NFKBIZ: variants seen among roughly 807,000 people sequenced by gnomAD.
The protein encoded by NFKBIZ is NFKB inhibitor zeta.
NFKBIZ carries 19 observed loss-of-function variants against 76.8 expected under a neutral mutation model. The observed-to-expected ratio is 0.25, with a 90% confidence interval of 0.17 to 0.36. The LOEUF (loss-of-function observed/expected upper bound fraction) is 0.36. Among genes scored for constraint, NFKBIZ ranks in the 10% least tolerant of loss-of-function variants. The pLI, the probability that NFKBIZ is intolerant of heterozygous loss-of-function variation, is 1.00. For missense variants in NFKBIZ, 829 were observed against 910.9 expected, an observed-to-expected ratio of 0.91 and a Z score of 1.16; for synonymous variants, 368 against 354.8, an observed-to-expected ratio of 1.04 and a Z score of -0.42.
rs1376074977 is a variant in NFKBIZ at position 101,860,649 on chromosome 3, T to C, written c.*1278T>C. 9.2e-5 allele frequency: 14 copies of C among 152,176 alleles called. No homozygotes were observed. Among genetic ancestry groups the C allele is most frequent in the Non-Finnish European group, 1.5e-5 (1 of 68,032 alleles). 9.4% of individuals were successfully genotyped at this position (152,176 alleles called of 1,614,324 possible). ...ATGATGATAATGTGCCATGATGTTT[T>C]ATATATATCATTCAGAAAAAGTTTT... On this transcript the variant is annotated 3_prime_UTR_variant, in exon 12 of 12. Transcript: ENST00000326172.
At chr3:101,843,020 TAAAAAAAAAA>T (rs35824432) in intron 2 of NFKBIZ, among the ~76,000 whole-genome samples, 4 of 66,464 alleles carry the variant, frequency 6.0e-5, no homozygotes, top group African/African-American at 1.1e-4. Context: ...CTGTATTTTC[TAAAAAAAAAA>T]AAAAAAAAAA....
At chr3:101,830,621 C>T (rs994746613) in intron 2 of NFKBIZ, among the ~76,000 whole-genome samples, 1 of 152,212 alleles carries the variant, frequency 6.6e-6, no homozygotes, top group African/African-American at 2.4e-5. Flanking sequence ...TAATGGCCTC[C>T]AGCTGCATCC....
At chr3:101,844,633 C>T (rs1029213153), upstream of NFKBIZ, among the ~76,000 whole-genome samples, 1 of 152,140 alleles carries the variant, frequency 6.6e-6, no homozygotes, top group Non-Finnish European at 1.5e-5. Flanking sequence ...TGAATATAAC[C>T]GAAATAGCAA....
intron 6 of NFKBIZ, 110 bp from the exon 7 acceptor site, chr3:101,854,952 G>T (rs776628903): frequency 4.9e-6 from 6 of 1,216,268 alleles, no homozygotes; most frequent in Non-Finnish European, 6.8e-6. Context: ...TTATTCAAAG[G>T]ATTTATTTTC....
rs768266036 is a variant in NFKBIZ at position 101,853,638 on chromosome 3, T to G, written c.1112T>G (p.Leu371Trp). The change falls in exon 5 of 12, where the codon TTG (leucine) becomes TGG (tryptophan). Residue 371 changes from leucine (L) to tryptophan (W), a missense_variant. Leu to Trp is a moderately conservative substitution (Grantham distance 61). Around this residue, in one of 4 missense-constraint regions of NFKBIZ, gnomAD observed 371 missense variants for 332.3 expected, o/e 1.12. Transcript: ENST00000326172. Reference sequence around the variant, plus strand: ...GTTCAGCAGCAAAATGATGCTCACTTGCACAGCTTCAGCATGATGCCCAGC... The same window carrying G: ...GTTCAGCAGCAAAATGATGCTCACTGGCACAGCTTCAGCATGATGCCCAGC... Reference protein sequence around the residue: ...SSVQQQNDAHLHSFSMMPSSA... With the variant: ...SSVQQQNDAHWHSFSMMPSSA... The G allele has an allele frequency of 1.1e-5, 18 of 1,614,126 alleles. No homozygotes were observed. Among genetic ancestry groups the G allele is most frequent in the Middle Eastern group, 1.6e-4 (1 of 6,084 alleles).
rs1431677480 is a variant in NFKBIZ, at chr3:101,857,332, T to A, written c.1976T>A (p.Leu659Ter). The A allele has an allele frequency of 2.5e-6, 4 of 1,614,224 alleles. No homozygotes were observed. Among genetic ancestry groups the A allele is most frequent in the Non-Finnish European group, 3.4e-6 (4 of 1,180,030 alleles). ...ACTGCCCTCCATGTTGCTGCCAGCT[T>A]GCAGTATCGGTTGACACAATTAGAT... ...GNTALHVAASLQYRLTQLDAV... is the reference protein window; with the variant it reads ...GNTALHVAAS The change falls in exon 11 of 12, where the codon TTG becomes TAG. Residue 659 changes from leucine (L) to a stop codon, truncating the protein, a stop_gained. Transcript: ENST00000326172. LOFTEE classifies it high-confidence loss of function.
intron 3 of NFKBIZ, 31 bp downstream of exon 3, chr3:101,852,799 A>G (rs772753032): frequency 6.2e-7 from 1 of 1,607,422 alleles, no homozygotes. Flanking sequence ...TAATTTTTTC[A>G]GGGCTTTGGA....
chr3:101,855,763 C>T lies in NFKBIZ; in HGVS notation c.1685C>T (p.Ala562Val). The change falls in exon 9 of 12, where the codon GCC (alanine) becomes GTC (valine). Residue 562 changes from alanine to valine, a missense_variant. By Grantham distance (64) the Ala-to-Val change is moderately conservative. This residue lies in a region of NFKBIZ where 272 missense variants were observed against 384.2 expected (regional missense o/e 0.71). Transcript: ENST00000326172. ...GLTPLHCAVI[A>V]HNAVVHELQR... ...ACTCCCCTTCACTGTGCAGTCATAG[C>T]CCACAATGCTGTGGTCCATGAACTC... 3 of 1,611,710 alleles carry T rather than the reference C, an allele frequency of 1.9e-6. No homozygotes were observed. Among genetic ancestry groups the T allele is most frequent in the Non-Finnish European group, 2.5e-6 (3 of 1,179,204 alleles).
At chr3:101,831,733 C>G (rs888430716) in intron 2 of NFKBIZ, among the ~76,000 whole-genome samples, 3 of 151,972 alleles carry the variant, frequency 2.0e-5, no homozygotes, top group Admixed American at 6.6e-5. Flanking sequence ...CTCCGCCTTC[C>G]GAGTTTAAGT....
Position 101,834,921 on chromosome 3 carries a change from G to C in NFKBIZ, c.-12+5233G>C, listed in dbSNP as rs1016886117. ...TTGCAGGCAGCATCAGGGCCCTGAA[G>C]GGTTCCAGACTTGACTCTGTGGTCC... On this transcript the variant is annotated intron_variant, in intron 2 of 12. Transcript: ENST00000394054. 4.6e-5 allele frequency among the ~76,000 whole-genome samples: 7 copies of C among 152,202 alleles called. No individual in the cohort carries two copies. In the South Asian group the frequency reaches 1.4e-3, roughly 32 times the overall value.
rs14134 is a variant in NFKBIZ at position 101,857,331 on chromosome 3, T to C, written c.1975T>C (p.Leu659=). Residue 659 remains leucine (L), a synonymous_variant, in exon 11 of 12, where the codon TTG becomes CTG. Coordinates refer to ENST00000326172, the MANE Select transcript of NFKBIZ (RefSeq NM_031419.4). ...GNTALHVAAS[L]QYRLTQLDAV... Reference sequence around the variant, plus strand: ...CACTGCCCTCCATGTTGCTGCCAGCTTGCAGTATCGGTTGACACAATTAGA... The same window carrying C: ...CACTGCCCTCCATGTTGCTGCCAGCCTGCAGTATCGGTTGACACAATTAGA... 994,323 of 1,613,852 alleles carry C rather than the reference T, an allele frequency of 0.62. 309,374 individuals carry two copies. Among genetic ancestry groups the C allele is most frequent in the Admixed American group, 0.72 (43,410 of 60,020 alleles).
chr3:101,850,618 G>T (rs1195564133), intron 1 of NFKBIZ, among the ~76,000 whole-genome samples: 1 of 152,196 alleles, frequency 6.6e-6, no homozygotes, highest in East Asian at 1.9e-4. Context: ...AGTGAACCGA[G>T]TTGCATAATT....
intron 2 of NFKBIZ, among the ~76,000 whole-genome samples, chr3:101,833,575 T>A (rs1174999212): frequency 6.6e-6 from 1 of 152,172 alleles, no homozygotes; most frequent in Non-Finnish European, 1.5e-5. Context: ...AGATAAGAGT[T>A]TGGAAACTGA....
At chr3:101,852,256 G>A (rs1942975698) in intron 2 of NFKBIZ, 32 bp downstream of exon 2, 1 of 1,609,090 alleles carries the variant, frequency 6.2e-7, no homozygotes, top group Non-Finnish European at 8.5e-7. Context: ...TGAGTATAGA[G>A]TTGGGGAGAG....
upstream of NFKBIZ, among the ~76,000 whole-genome samples, chr3:101,845,971 A>G (rs1942844493): frequency 6.6e-6 from 1 of 152,216 alleles, no homozygotes; most frequent in South Asian, 2.1e-4. Context: ...GAAGATTTCA[A>G]TCTCTTCTTT....
At position 101,855,403 on chromosome 3, in the gene NFKBIZ, G is replaced by A; in HGVS notation, c.1599G>A (p.Gln533=). ...GTTTTTAAAATCTGCAGGCGATTCA[G>A]AAGGGAGCAGTGGGAAGTAATCAGT... ...KGHSQVLQAI[Q]KGAVGSNQFV... The change falls in exon 8 of 12, where the codon CAG becomes CAA. Residue 533 remains glutamine (Q), a synonymous_variant. Coordinates refer to ENST00000326172, the MANE Select transcript of NFKBIZ (RefSeq NM_031419.4). 1 of 1,614,228 alleles carries A rather than the reference G, an allele frequency of 6.2e-7. No homozygotes were observed. Among genetic ancestry groups the A allele is most frequent in the Non-Finnish European group, 8.5e-7 (1 of 1,180,022 alleles).
rs1188027287 is a variant in NFKBIZ at position 101,852,724 on chromosome 3, T to A, written c.430-14T>A. 2 of 1,597,746 alleles carry A rather than the reference T, an allele frequency of 1.3e-6. No homozygotes were observed. The highest frequency in any genetic ancestry group is 1.7e-6 in the Non-Finnish European group (2 of 1,173,572). ...ATTTTGTATACACTAAATTGGAAAC[T>A]TTTTTCTTTATAGACACAAGGTGTG... On this transcript the variant is annotated splice_polypyrimidine_tract_variant and intron_variant, in intron 2 of 11. Transcript: ENST00000326172.
At chr3:101,852,330 T>G in intron 2 of NFKBIZ, 106 bp downstream of exon 2, 1 of 1,369,446 alleles carries the variant, frequency 7.3e-7, no homozygotes, top group Non-Finnish European at 1.0e-6. Context: ...CACTTGAAAT[T>G]TTTCATAAGA....
chr3:101,852,813 A>C lies in NFKBIZ; in HGVS notation c.460+45A>C, dbSNP rs369232320. ...GTAATTTTTTCAGGGCTTTGGAGTA[A>C]ATAATAGAGTGTAATTATGGGTAAC... On this transcript the variant is annotated intron_variant, in intron 3 of 11. Coordinates refer to ENST00000326172, the MANE Select transcript of NFKBIZ (RefSeq NM_031419.4). The C allele has an allele frequency of 5.6e-6, 9 of 1,605,600 alleles. No individual in the cohort carries two copies. In the East Asian group the frequency reaches 2.0e-4, roughly 36 times the overall value.
Sources: allele counts gnomAD v4.1 joint callset (sites outside exome capture counted in the v4.1 genomes callset), GRCh38; gene constraint gnomAD v4.1.1; regional missense constraint gnomAD v4.1.1; transcripts MANE v1.5; gene names NCBI Gene and HGNC (gene_info 2026-07-23, HGNC 2026-07-21).